Variants in PLCH1 observed in about 807,000 individuals in gnomAD.
The protein encoded by PLCH1 is phospholipase C eta 1, also known as 1-phosphatidylinositol 4,5-bisphosphate phosphodiesterase eta-1.
A neutral mutation model predicts 126.7 loss-of-function variants in PLCH1; 60 were observed. That is an observed-to-expected ratio of 0.47 (90% CI 0.38 to 0.59). PLCH1 has a LOEUF of 0.59. Ranked by LOEUF, PLCH1 falls within the 20% of genes least tolerant of loss-of-function variation. The pLI is 0.00. For missense variants in PLCH1, 1,723 were observed against 2,040.0 expected (o/e 0.84, Z 2.99); for synonymous variants, 719 against 734.9 (o/e 0.98, Z 0.35).
At position 155,482,824 on chromosome 3, in the gene PLCH1, C is replaced by T; in HGVS notation, c.3202G>A (p.Glu1068Lys). ...TTSNATSNCQ[E>K]NPCPSKSLSP... The stretch of plus-strand genomic sequence containing the variant: ...AGAGACTTGCTGGGACAGGGGTTTT[C>T]CTGGCAATTGCTTGTGGCATTTGAT... The change falls in exon 23 of 23, where the codon GAA becomes AAA. Residue 1068 changes from glutamate (E) to lysine (K), a missense_variant. Glu to Lys is a moderately conservative substitution (Grantham distance 56, BLOSUM62 1). Transcript: ENST00000460012. The T allele has an allele frequency of 6.2e-7, 1 of 1,614,070 alleles. No individual in the cohort carries two copies. Among genetic ancestry groups the T allele is most frequent in the Non-Finnish European group, 8.5e-7 (1 of 1,180,012 alleles).
intron 12 of PLCH1, among the ~76,000 whole-genome samples, chr3:155,506,349 T>C (rs1401800720): frequency 6.0e-5 from 9 of 150,912 alleles, no homozygotes; most frequent in African/African-American, 2.0e-4. Flanking sequence ...CACTCTCTTT[T>C]TTTTTTTTTT....
chr3:155,467,268 A>G (rs1055326632), intron 21 of PLCH1, among the ~76,000 whole-genome samples: 1 of 151,970 alleles, frequency 6.6e-6, no homozygotes, highest in East Asian at 1.9e-4. Flanking sequence ...AAAAAAAAAT[A>G]AAAAAGATAA....
chr3:155,519,814 A>G (rs536957185), intron 11 of PLCH1, among the ~76,000 whole-genome samples: 1 of 151,844 alleles, frequency 6.6e-6, no homozygotes, highest in African/African-American at 2.4e-5. Flanking sequence ...AAAAACTAAA[A>G]ACTGAAGTAT....
chr3:155,479,183 G>A (rs370703255), downstream of PLCH1, among the ~76,000 whole-genome samples: 34 of 152,184 alleles, frequency 2.2e-4, 2 homozygotes, highest in East Asian at 1.7e-3. Flanking sequence ...CTATTCTTTG[G>A]CAAGTGAATT....
intron 10 of PLCH1, among the ~76,000 whole-genome samples, chr3:155,535,713 C>T (rs926731170): frequency 6.6e-6 from 1 of 152,148 alleles, no homozygotes; most frequent in East Asian, 1.9e-4. Flanking sequence ...TAGCTGAAGA[C>T]AAAAGACATA....
chr3:155,699,644 C>T (rs1210508041), intron 2 of PLCH1, among the ~76,000 whole-genome samples: 1 of 152,122 alleles, frequency 6.6e-6, no homozygotes, highest in Non-Finnish European at 1.5e-5. Context: ...ATTTCATTCT[C>T]CTTGCATATT....
At chr3:155,676,416 T>G (rs1373426401) in intron 2 of PLCH1, 2 of 998,656 alleles carry the variant, frequency 2.0e-6, no homozygotes, top group African/African-American at 3.4e-5. Flanking sequence ...CAAGGCATTA[T>G]GCACATTTAA....
intron 2 of PLCH1, among the ~76,000 whole-genome samples, chr3:155,680,998 CTAA>C (rs1744481191): frequency 6.6e-6 from 1 of 151,998 alleles, no homozygotes; most frequent in African/African-American, 2.4e-5. Flanking sequence ...AAACTAACTA[CTAA>C]TGTTACTTTA....
chr3:155,675,190 G>A (rs1743970266), intron 2 of PLCH1, among the ~76,000 whole-genome samples: 1 of 152,162 alleles, frequency 6.6e-6, no homozygotes, highest in Admixed American at 6.5e-5. Flanking sequence ...CTCCAGACAG[G>A]CTTTCAGATC....
chr3:155,568,255 C>T lies in PLCH1; in HGVS notation c.841G>A (p.Val281Met). The change falls in exon 7 of 23, where the codon GTG becomes ATG. Residue 281 changes from valine to methionine, a missense_variant. Physicochemically the swap from Val to Met is conservative, Grantham distance 21. Around this residue, in one of 2 missense-constraint regions of PLCH1, gnomAD observed 776 missense variants for 1,062.9 expected, o/e 0.73. Transcript: ENST00000460012. ...CCTTCTATGCCAAGAACATTTTTCA[C>T]CTTATTTTCTTCTGAAACTTCAAAC... ...KKFEVSEENK[V>M]KNVLGIEGFT... The T allele has an allele frequency of 2.0e-6, 3 of 1,472,766 alleles. No homozygotes were observed. Among genetic ancestry groups the T allele is most frequent in the Non-Finnish European group, 1.9e-6 (2 of 1,053,462 alleles). The allele number at this position is 1,472,766 out of a possible 1,614,324, so 91.2% of individuals were successfully genotyped here. A position where few individuals can be genotyped will look rare whatever the true frequency, so the allele number is the denominator to read the frequency against.
At chr3:155,707,112 C>A (rs1310915206) in intron 1 of PLCH1, among the ~76,000 whole-genome samples, 1 of 152,154 alleles carries the variant, frequency 6.6e-6, no homozygotes, top group Non-Finnish European at 1.5e-5. Context: ...AAGAAGTCAG[C>A]AGTCTGCAAT....
At chr3:155,520,318 A>C (rs1720913921) in intron 11 of PLCH1, among the ~76,000 whole-genome samples, 1 of 152,186 alleles carries the variant, frequency 6.6e-6, no homozygotes, top group Non-Finnish European at 1.5e-5. Flanking sequence ...GATAGGAAAA[A>C]AGATGAGGGA....
At chr3:155,597,833 A>C (rs182558333) in intron 2 of PLCH1, among the ~76,000 whole-genome samples, 1 of 152,320 alleles carries the variant, frequency 6.6e-6, no homozygotes, top group East Asian at 1.9e-4. Flanking sequence ...AAGAAGATGA[A>C]GTATAGGTTG....
intron 21 of PLCH1, among the ~76,000 whole-genome samples, chr3:155,471,916 G>A (rs1237459543): frequency 2.0e-5 from 3 of 151,972 alleles, no homozygotes; most frequent in African/African-American, 7.2e-5. Flanking sequence ...TCTCTGGGAT[G>A]CATTCAAAGC....
At chr3:155,565,348 G>A (rs1728204365) in intron 7 of PLCH1, among the ~76,000 whole-genome samples, 1 of 152,140 alleles carries the variant, frequency 6.6e-6, no homozygotes. Flanking sequence ...CTATGTTGGA[G>A]GTGGGCCCTG....
intron 4 of PLCH1, among the ~76,000 whole-genome samples, chr3:155,592,427 A>C (rs1732316710): frequency 6.6e-6 from 1 of 150,808 alleles, no homozygotes; most frequent in Admixed American, 6.6e-5. Flanking sequence ...CCCAGGAGGC[A>C]GAGGTTGCAG....
chr3:155,469,055 G>C (rs934617067), intron 21 of PLCH1, among the ~76,000 whole-genome samples: 1 of 152,056 alleles, frequency 6.6e-6, no homozygotes, highest in Admixed American at 6.6e-5. Flanking sequence ...TTAAAAATTG[G>C]AATAATAGGG....
At position 155,482,412 on chromosome 3, in the gene PLCH1, A is replaced by T; in HGVS notation, c.3614T>A (p.Val1205Asp). 6.2e-7 allele frequency: 1 copy of T among 1,614,160 alleles called. No individual in the cohort carries two copies. The highest frequency in any genetic ancestry group is 8.5e-7 in the Non-Finnish European group (1 of 1,180,020). ...ACTGGTATTATGAAGATGAGAAACAACTGTGAGAGCCTGATTGTTGGTCTC... is the reference window on the plus strand; with the variant it reads ...ACTGGTATTATGAAGATGAGAAACATCTGTGAGAGCCTGATTGTTGGTCTC... ...FDETNNQALT[V>D]VSHLHNTSVM... Residue 1205 changes from valine to aspartate, a missense_variant, in exon 23 of 23, where the codon GTT becomes GAT. Around this residue, in one of 2 missense-constraint regions of PLCH1, gnomAD observed 947 missense variants for 977.1 expected, o/e 0.97. Coordinates refer to ENST00000460012, the MANE Select transcript of PLCH1 (RefSeq NM_014996.4).
chr3:155,685,263 T>C (rs1006105661), intron 2 of PLCH1, among the ~76,000 whole-genome samples: 18 of 152,072 alleles, frequency 1.2e-4, no homozygotes, highest in African/African-American at 4.3e-4. Context: ...ACGGTAAGGG[T>C]AAGTGAGGGG....
Sources: allele counts gnomAD v4.1 joint callset (sites outside exome capture counted in the v4.1 genomes callset), GRCh38; gene constraint gnomAD v4.1.1; regional missense constraint gnomAD v4.1.1; transcripts MANE v1.5; gene names NCBI Gene and HGNC (gene_info 2026-07-23, HGNC 2026-07-21).